The following HGS variants were observed in gnomAD, a reference collection of about 807,000 sequenced individuals.
The protein encoded by HGS is human growth factor-regulated tyrosine kinase substrate.
In HGS, 63 loss-of-function variants were observed where a neutral mutation model predicts 109.7. The observed-to-expected ratio is 0.57, with a 90% CI of 0.47 to 0.71. HGS has a LOEUF of 0.71. Among genes scored for constraint, HGS ranks in the 30% least tolerant of loss-of-function variants. The pLI is 0.00. For synonymous variants in HGS, 546 were observed against 437.3 expected, an observed-to-expected ratio of 1.25 and a Z score of -3.10; for missense variants, 995 against 1,068.3, an observed-to-expected ratio of 0.93 and a Z score of 0.96.
At chr17:81,690,854 G>T in intron 7 of HGS, 112 bp downstream of exon 7, 1 of 923,650 alleles carries the variant, frequency 1.1e-6, no homozygotes, top group South Asian at 1.6e-5. Context: ...GGTTCAGGAG[G>T]TGAGTGCAGC....
intron 4 of HGS, among the ~76,000 whole-genome samples, chr17:81,688,171 C>G (rs1178887891): frequency 6.6e-6 from 1 of 151,582 alleles, no homozygotes; most frequent in African/African-American, 2.4e-5. Flanking sequence ...ACGGCGTCCC[C>G]GAGAGGGCCG....
intron 8 of HGS, chr17:81,692,716 C>CTCA (rs1243829398): frequency 6.6e-6 from 1 of 151,954 alleles, no homozygotes; most frequent in East Asian, 1.9e-4. Context: ...AGCACGGTGG[C>CTCA]TCATGCCTGT....
At chr17:81,694,749 A>G in intron 11 of HGS, 66 bp from the exon 12 acceptor site, 3 of 1,601,662 alleles carry the variant, frequency 1.9e-6, no homozygotes, top group Middle Eastern at 1.7e-4. Context: ...CACTGGGGAC[A>G]TCCCTGTCCC....
chr17:81,690,120 G>A, intron 5 of HGS, 62 bp from the exon 6 acceptor site: 1 of 1,554,820 alleles, frequency 6.4e-7, no homozygotes, highest in Non-Finnish European at 8.8e-7. Context: ...GTGAGGAAGG[G>A]GCTCCCGGAA....
rs1489403022 is a variant in HGS, at chr17:81,686,296, A to G, written c.123-16A>G. Reference sequence around the variant, plus strand: ...TTTCCCGTTTTTCTCTGCTTTTATCAATGTTTCCTTTTCAGAGCAAAATAT... The same window carrying G: ...TTTCCCGTTTTTCTCTGCTTTTATCGATGTTTCCTTTTCAGAGCAAAATAT... On this transcript the variant is annotated splice_polypyrimidine_tract_variant and intron_variant, in intron 2 of 21. Transcript: ENST00000329138. The G allele has an allele frequency of 3.1e-6, 5 of 1,607,646 alleles. No homozygotes were observed. The highest frequency in any genetic ancestry group is 4.3e-6 in the Non-Finnish European group (5 of 1,175,064).
chr17:81,693,828 G>A (rs370159841), intron 10 of HGS, 42 bp from the exon 11 acceptor site: 10 of 1,567,724 alleles, frequency 6.4e-6, no homozygotes, highest in East Asian at 4.5e-5. Context: ...CCGGAGGGGC[G>A]TCACGTGCAC....
rs1263602272 is a variant in HGS, at chr17:81,690,176, C to G, written c.416-6C>G. 4 of 1,613,510 alleles carry G rather than the reference C, an allele frequency of 2.5e-6. No individual in the cohort carries two copies. In the South Asian group the frequency reaches 4.4e-5, roughly 18 times the overall value. ...GCAGGCAGTGACTATGGCTTCATCTCTCCAGGGCACGTCTTTCCAGAATTC... is the reference window on the plus strand; with the variant it reads ...GCAGGCAGTGACTATGGCTTCATCTGTCCAGGGCACGTCTTTCCAGAATTC... On this transcript the variant is annotated splice_region_variant and splice_polypyrimidine_tract_variant and intron_variant, in intron 5 of 21. Transcript: ENST00000329138.
chr17:81,702,046 A>T lies in HGS; in HGVS notation c.*428A>T. 1 of 168,322 alleles carries T rather than the reference A, an allele frequency of 5.9e-6. No individual in the cohort carries two copies. The allele number at this position is 168,322 out of a possible 1,614,324, so 10.4% of individuals were successfully genotyped here. A position where few individuals can be genotyped will look rare whatever the true frequency, so the allele number is the denominator to read the frequency against. ...CCAAGGGTGGAGGCTTCAGGTCTCC[A>T]GCTTCTCTGCTTCTCAGCTGCCATC... On this transcript the variant is annotated 3_prime_UTR_variant, in exon 22 of 22. Transcript: ENST00000329138.
rs2037160165 is a variant in HGS at position 81,696,916 on chromosome 17, G to A, written c.1800G>A (p.Glu600=). ...CCTTCAGCCCTGCCGGCTCGGTGGA[G>A]GGCTCCCCAATGCACGGCGTGTACA... ...PSTFSPAGSV[E]GSPMHGVYMS... The change falls in exon 18 of 22, where the codon GAG becomes GAA. Residue 600 remains glutamate (E), a synonymous_variant. Coordinates refer to ENST00000329138, the MANE Select transcript of HGS (RefSeq NM_004712.5). 1 of 1,608,464 alleles carries A rather than the reference G, an allele frequency of 6.2e-7. No individual in the cohort carries two copies. The highest frequency in any genetic ancestry group is 1.3e-5 in the African/African-American group (1 of 74,926).
intron 8 of HGS, 32 bp from the exon 9 acceptor site, chr17:81,693,471 A>T: frequency 6.4e-7 from 1 of 1,567,540 alleles, no homozygotes; most frequent in Non-Finnish European, 8.8e-7. Flanking sequence ...GTGTCAGCGC[A>T]TGGTGACCTG....
chr17:81,685,806 G>T, intron 2 of HGS, 117 bp downstream of exon 2: 1 of 685,272 alleles, frequency 1.5e-6, no homozygotes, highest in Non-Finnish European at 2.5e-6. Context: ...CTTATGTGGA[G>T]AACTGCATGG....
Position 81,701,559 on chromosome 17 carries a change from C to T in HGS, c.2275C>T (p.Pro759Ser), listed in dbSNP as rs758103601. ...PQQQPPVAQQ[P>S]QAQGPPAQGS... ...GCAGCAGCCCCCCGTGGCCCAGCAA[C>T]CGCAGGCACAGGGGCCGCCGGCACA... The change falls in exon 22 of 22, where the codon CCG becomes TCG. Residue 759 changes from proline (P) to serine (S), a missense_variant. Physicochemically the swap from Pro to Ser is moderately conservative, Grantham distance 74. This residue lies in a region of HGS where 326 missense variants were observed against 309.7 expected (regional missense o/e 1.05). Coordinates refer to ENST00000329138, the MANE Select transcript of HGS (RefSeq NM_004712.5). 11 of 1,572,106 alleles carry T rather than the reference C, an allele frequency of 7.0e-6. No individual in the cohort carries two copies. The South Asian group carries it at 8.0e-5, about 11-fold the overall frequency.
In HGS at chr17:81,696,612, C is replaced by T; in HGVS notation, c.1572C>T (p.Tyr524=). The T allele has an allele frequency of 1.9e-6, 3 of 1,606,054 alleles. No individual in the cohort carries two copies. The highest frequency in any genetic ancestry group is 1.1e-5 in the South Asian group (1 of 90,252). Residue 524 remains tyrosine, a synonymous_variant, in exon 17 of 22, where the codon TAC becomes TAT. Transcript: ENST00000329138. ...LEIMRQKKQE[Y]LEVQRQLAIQ... is the part of the protein sequence containing the mutation. The stretch of plus-strand genomic sequence containing the variant: ...AGCATGTTTTTGCCGCACAGGAGTA[C>T]CTGGAGGTGCAGAGGCAGCTGGCCA...
intron 1 of HGS, chr17:81,684,872 T>C: frequency 2.0e-6 from 2 of 982,534 alleles, no homozygotes; most frequent in Non-Finnish European, 2.4e-6. Context: ...GCAAGCAGAC[T>C]GAGTATCTCA....
chr17:81,685,938 C>CA (rs2036972326), intron 2 of HGS, among the ~76,000 whole-genome samples: 1 of 149,834 alleles, frequency 6.7e-6, no homozygotes, highest in African/African-American at 2.4e-5. Flanking sequence ...GGCAGACAGA[C>CA]TTTTTTTTTT....
rs146731960 is a variant in HGS at position 81,700,475 on chromosome 17, A to G, written c.1891A>G (p.Met631Val). The G allele has an allele frequency of 3.2e-3, 4,962 of 1,570,852 alleles. 7 individuals carry two copies. Among genetic ancestry groups the G allele is most frequent in the Non-Finnish European group, 3.9e-3 (4,551 of 1,156,712 alleles). The change falls in exon 19 of 22, where the codon ATG becomes GTG. Residue 631 changes from methionine to valine, a missense_variant. Coordinates refer to ENST00000329138, the MANE Select transcript of HGS (RefSeq NM_004712.5). ...TGTCTTGTTTGTCACAGATCCCAGC[A>G]TGGTGAGTGCCTACATGTACCCAGC... ...SMPSTAADPS[M>V]VSAYMYPAGA...
chr17:81,694,986 C>T lies in HGS; in HGVS notation c.1038C>T (p.Pro346=), dbSNP rs1437364560. ...AGCAGGAGGAGGCTCGCAAGAGCCC[C>T]ACGCCATCTGCGCCCGTGCCCCTGA... ...EKKQEEARKS[P]TPSAPVPLTE... is the part of the protein sequence containing the mutation. Residue 346 remains proline, a synonymous_variant, in exon 13 of 22, where the codon CCC becomes CCT. Coordinates refer to ENST00000329138, the MANE Select transcript of HGS (RefSeq NM_004712.5). 6.2e-7 allele frequency: 1 copy of T among 1,614,138 alleles called. No homozygotes were observed. Among genetic ancestry groups the T allele is most frequent in the African/African-American group, 1.3e-5 (1 of 75,074 alleles).
At chr17:81,690,872 G>C (rs568730727) in intron 7 of HGS, 130 bp downstream of exon 7, 7 of 727,800 alleles carry the variant, frequency 9.6e-6, no homozygotes, top group Non-Finnish European at 1.5e-5. Context: ...AGCTCGCAGC[G>C]GGTGGCAGTG....
At chr17:81,684,172 CGGCCCCGA>C in intron 1 of HGS, 69 bp downstream of exon 1, 4 of 1,350,224 alleles carry the variant, frequency 3.0e-6, no homozygotes, top group Non-Finnish European at 3.9e-6. Flanking sequence ...TGAGTCAGCG[CGGCCCCGA>C]GGGCCCGAGG....
Sources: allele counts gnomAD v4.1 joint callset (sites outside exome capture counted in the v4.1 genomes callset), GRCh38; gene constraint gnomAD v4.1.1; regional missense constraint gnomAD v4.1.1; transcripts MANE v1.5; gene names NCBI Gene and HGNC (gene_info 2026-07-23, HGNC 2026-07-21).